DPP8: variants seen among roughly 807,000 people sequenced by gnomAD.
DPP8 encodes DPP VIII.
Under a neutral mutation model 107.5 loss-of-function variants are expected in DPP8, and 31 were observed. The ratio of observed to expected loss-of-function variants is 0.29; its 90% CI spans 0.22 to 0.39. The LOEUF is 0.39. Among genes scored for constraint, DPP8 ranks in the 10% least tolerant of loss-of-function variants. DPP8 has a pLI of 1.00. For missense variants in DPP8, 842 were observed against 1,076.1 expected, an observed-to-expected ratio of 0.78 and a Z score of 3.04; for synonymous variants, 381 against 356.6, an observed-to-expected ratio of 1.07 and a Z score of -0.77.
intron 1 of DPP8, among the ~76,000 whole-genome samples, chr15:65,513,395 G>A (rs1257485320): frequency 6.6e-6 from 1 of 152,148 alleles, no homozygotes; most frequent in Admixed American, 6.5e-5. Context: ...TGTATTTTTA[G>A]TAGAGATGGG....
intron 1 of DPP8, among the ~76,000 whole-genome samples, chr15:65,513,215 T>C (rs1213862226): frequency 1.5e-5 from 2 of 134,724 alleles, no homozygotes; most frequent in Admixed American, 8.8e-5. Context: ...GTGGTGACTC[T>C]ACATTTTTTT....
At chr15:65,457,128 G>T (rs1223693085) in intron 15 of DPP8, among the ~76,000 whole-genome samples, 1 of 152,178 alleles carries the variant, frequency 6.6e-6, no homozygotes, top group Non-Finnish European at 1.5e-5. Flanking sequence ...GCTGAAGCGG[G>T]TGGATCACCT....
chr15:65,512,267 C>A, intron 2 of DPP8, 28 bp downstream of exon 2: 1 of 1,575,234 alleles, frequency 6.3e-7, no homozygotes, highest in South Asian at 1.1e-5. Flanking sequence ...AGATCATTTT[C>A]TCTCAGAAAC....
At chr15:65,490,108 T>G (rs929510898) in intron 6 of DPP8, 81 bp downstream of exon 6, 2 of 635,330 alleles carry the variant, frequency 3.1e-6, no homozygotes, top group Admixed American at 6.3e-5. Context: ...TATCCAAGAT[T>G]TAGAACTGTG....
intron 17 of DPP8, 49 bp from the exon 18 acceptor site, chr15:65,452,151 G>C: frequency 6.4e-7 from 1 of 1,559,726 alleles, no homozygotes; most frequent in South Asian, 1.2e-5. Flanking sequence ...AAAAGAGAGT[G>C]GCTAGCAGTG....
chr15:65,513,972 T>C (rs1233201926), intron 1 of DPP8, among the ~76,000 whole-genome samples: 2 of 152,230 alleles, frequency 1.3e-5, no homozygotes, highest in African/African-American at 4.8e-5. Context: ...ATAAACTAAA[T>C]TGCATTTAAT....
intron 14 of DPP8, among the ~76,000 whole-genome samples, chr15:65,466,210 T>C (rs992999700): frequency 9.9e-5 from 15 of 151,878 alleles, no homozygotes; most frequent in African/African-American, 3.6e-4. Flanking sequence ...GTGATCTTAG[T>C]TCATTGCAAC....
At chr15:65,505,354 CA>C (rs11311748) in intron 3 of DPP8, among the ~76,000 whole-genome samples, 133,818 of 143,624 alleles carry the variant, frequency 0.93, 62,246 homozygotes, top group East Asian at 0.95. Flanking sequence ...GACTCTGTCT[CA>C]AAAAAAAAAA....
rs745558441 is a variant in DPP8, at chr15:65,481,660, A to T, written c.1018-45T>A. ...AAGAATCTAGTTATAGAAGATTTAGATAAATAATTAGCTTGCTAGTCTACT... is the reference window on the plus strand; with the variant it reads ...AAGAATCTAGTTATAGAAGATTTAGTTAAATAATTAGCTTGCTAGTCTACT... On this transcript the variant is annotated intron_variant, in intron 8 of 19. Coordinates refer to ENST00000300141, the MANE Select transcript of DPP8 (RefSeq NM_130434.5). 2.7e-6 allele frequency: 3 copies of T among 1,111,000 alleles called. No individual in the cohort carries two copies. In the Admixed American group the frequency reaches 8.2e-5, roughly 30 times the overall value. The allele number at this position is 1,111,000 out of a possible 1,614,324, so 68.8% of individuals were successfully genotyped here.
At chr15:65,514,903 C>T (rs373616800) in intron 1 of DPP8, among the ~76,000 whole-genome samples, 6 of 152,170 alleles carry the variant, frequency 3.9e-5, no homozygotes, top group African/African-American at 1.2e-4. Context: ...TCTTGTGTTA[C>T]GTTTGGAAGT....
chr15:65,449,011 C>G (rs1039253638), intron 19 of DPP8, among the ~76,000 whole-genome samples: 1 of 140,684 alleles, frequency 7.1e-6, no homozygotes, highest in South Asian at 2.2e-4. Flanking sequence ...AGTTGGAGAC[C>G]AGCCTAGCCA....
In DPP8 at chr15:65,456,241, G is replaced by T; in HGVS notation, c.2102C>A (p.Ala701Asp). 6.2e-7 allele frequency: 1 copy of T among 1,608,144 alleles called. No homozygotes were observed. The highest frequency in any genetic ancestry group is 8.5e-7 in the Non-Finnish European group (1 of 1,178,654). The stretch of plus-strand genomic sequence containing the variant: ...CTCACACACCATTTTATATTTAAAG[G>T]CGCCTTCAAATTTAAGCCCTCGGTG... Reference protein sequence around the residue: ...SCHRGLKFEGAFKYKMGQIEI... With the variant: ...SCHRGLKFEGDFKYKMGQIEI... Residue 701 changes from alanine (A) to aspartate (D), a missense_variant, in exon 16 of 20, where the codon GCC (alanine) becomes GAC (aspartate). By Grantham distance (126) the Ala-to-Asp change is moderately radical (BLOSUM62 -2). Around this residue, in one of 2 missense-constraint regions of DPP8, gnomAD observed 179 missense variants for 318.0 expected, o/e 0.56. Coordinates refer to ENST00000300141, the MANE Select transcript of DPP8 (RefSeq NM_130434.5).
chr15:65,481,196 T>G (rs189208715), intron 9 of DPP8, among the ~76,000 whole-genome samples: 1 of 152,244 alleles, frequency 6.6e-6, no homozygotes, highest in Non-Finnish European at 1.5e-5. Flanking sequence ...CATCCTCATA[T>G]AAAGCTCTAT....
chr15:65,450,835 T>C (rs916961543), intron 19 of DPP8, 164 bp downstream of exon 19: 1 of 523,952 alleles, frequency 1.9e-6, no homozygotes, highest in Non-Finnish European at 3.3e-6. Context: ...AGAATCTTAA[T>C]TTTTATCCAA....
chr15:65,480,715 T>C (rs977516604), intron 9 of DPP8, among the ~76,000 whole-genome samples: 23 of 152,166 alleles, frequency 1.5e-4, no homozygotes, highest in Admixed American at 2.6e-4. Flanking sequence ...AGAGGGCTGC[T>C]TGAGGCCAGG....
intron 5 of DPP8, among the ~76,000 whole-genome samples, chr15:65,496,567 T>C (rs1486305296): frequency 6.6e-6 from 1 of 152,222 alleles, no homozygotes; most frequent in Non-Finnish European, 1.5e-5. Flanking sequence ...TAAAACTTAA[T>C]TAAATATTCC....
At chr15:65,451,854 G>A in intron 18 of DPP8, 106 bp downstream of exon 18, 1 of 1,187,510 alleles carries the variant, frequency 8.4e-7, no homozygotes, top group Non-Finnish European at 1.1e-6. Flanking sequence ...GAGCCCAGGA[G>A]TTTGACGCTG....
chr15:65,517,432 C>G (rs1027789170), intron 1 of DPP8, 54 bp downstream of exon 1: 1 of 152,550 alleles, frequency 6.6e-6, no homozygotes, highest in Non-Finnish European at 1.5e-5. Context: ...GCCTGGTGAG[C>G]CGTGGCCCAG....
intron 8 of DPP8, among the ~76,000 whole-genome samples, chr15:65,481,964 A>T (rs1052093004): frequency 2.2e-5 from 3 of 138,188 alleles, no homozygotes; most frequent in Admixed American, 6.9e-5. Flanking sequence ...TATTTCACCT[A>T]GAAATATATA....
Sources: allele counts gnomAD v4.1 joint callset (sites outside exome capture counted in the v4.1 genomes callset), GRCh38; gene constraint gnomAD v4.1.1; regional missense constraint gnomAD v4.1.1; transcripts MANE v1.5; gene names NCBI Gene and HGNC (gene_info 2026-07-23, HGNC 2026-07-21).